SPATA13: variants seen among roughly 807,000 people sequenced by gnomAD.
SPATA13 encodes the protein spermatogenesis-associated protein 13.
SPATA13 carries 50 observed loss-of-function variants against 104.0 expected under a neutral mutation model. That is an observed-to-expected ratio of 0.48 (90% CI 0.38 to 0.61). The LOEUF (loss-of-function observed/expected upper bound fraction) is 0.61, where lower values mean the gene tolerates loss of function less well. SPATA13 is among the 20% of genes least tolerant of loss of function. SPATA13 has a pLI of 0.00. For synonymous variants in SPATA13, 606 were observed against 667.5 expected, an observed-to-expected ratio of 0.91 and a Z score of 1.42; for missense variants, 1,524 against 1,690.6, an observed-to-expected ratio of 0.90 and a Z score of 1.73.
intron 4 of SPATA13, among the ~76,000 whole-genome samples, chr13:24,266,430 A>G (rs771885457): frequency 6.6e-6 from 1 of 152,056 alleles, no homozygotes; most frequent in Non-Finnish European, 1.5e-5. Flanking sequence ...GACTCAAGGC[A>G]TGTGTCACCA....
intron 3 of SPATA13, among the ~76,000 whole-genome samples, chr13:24,027,088 A>G (rs936465618): frequency 1.5e-4 from 23 of 148,418 alleles, no homozygotes; most frequent in African/African-American, 5.7e-4. Context: ...TCTCTCTTAT[A>G]TCCCTGTCAT....
chr13:24,153,064 T>C (rs1168439307), intron 3 of SPATA13, among the ~76,000 whole-genome samples: 1 of 152,254 alleles, frequency 6.6e-6, no homozygotes, highest in East Asian at 1.9e-4. Flanking sequence ...TCTGTGCTCA[T>C]GTCTACTTAG....
At chr13:24,294,990 A>T in intron 10 of SPATA13, 122 bp downstream of exon 10, 20 of 928,916 alleles carry the variant, frequency 2.2e-5, no homozygotes, top group Non-Finnish European at 2.9e-5. Flanking sequence ...AATGGTACAT[A>T]TACCATTAAT....
chr13:24,013,336 C>T (rs1253282973), intron 2 of SPATA13, among the ~76,000 whole-genome samples: 4 of 152,228 alleles, frequency 2.6e-5, no homozygotes, highest in Non-Finnish European at 5.9e-5. Flanking sequence ...TTCCTCCCCT[C>T]CCTCACCCAC....
intron 2 of SPATA13, among the ~76,000 whole-genome samples, chr13:24,016,004 C>T (rs111765395): frequency 3.9e-5 from 6 of 152,230 alleles, no homozygotes; most frequent in African/African-American, 1.2e-4. Flanking sequence ...TTGGAGGGTA[C>T]GCGGTGTGTA....
At chr13:23,998,078 A>G (rs1038029635) in intron 2 of SPATA13, among the ~76,000 whole-genome samples, 11 of 152,266 alleles carry the variant, frequency 7.2e-5, no homozygotes, top group African/African-American at 2.4e-4. Flanking sequence ...CTTCCAGGGT[A>G]GTATCTAGGT....
At chr13:24,057,031 CTT>C (rs1275604864) in intron 3 of SPATA13, among the ~76,000 whole-genome samples, 52 of 120,838 alleles carry the variant, frequency 4.3e-4, no homozygotes, top group African/African-American at 1.5e-3. Context: ...CTCTCTCTCT[CTT>C]TCTTTCATAG....
At chr13:24,099,524 G>A (rs1880189032) in intron 3 of SPATA13, among the ~76,000 whole-genome samples, 1 of 152,238 alleles carries the variant, frequency 6.6e-6, no homozygotes, top group South Asian at 2.1e-4. Flanking sequence ...GGAAAGTTCT[G>A]TCAGAGGGTG....
rs139444355 is a variant in SPATA13 at position 24,139,387 on chromosome 13, C to A, written c.-111-83432C>A. 2.9e-3 allele frequency among the ~76,000 whole-genome samples: 441 copies of A among 152,254 alleles called. 1 individual carries two copies. Among genetic ancestry groups the A allele is most frequent in the Non-Finnish European group, 5.0e-3 (343 of 68,034 alleles). ...AGTGGGGGCACTGTTCAGCCCACAA[C>A]AACACTTAAAAAGAAAATACAAACA... On this transcript the variant is annotated intron_variant, in intron 3 of 14. Transcript: ENST00000424834.
chr13:24,086,255 A>G (rs1205228677), intron 3 of SPATA13, among the ~76,000 whole-genome samples: 2 of 152,212 alleles, frequency 1.3e-5, no homozygotes, highest in Admixed American at 6.5e-5. Context: ...TGTATCATTC[A>G]TATTGCATGG....
chr13:24,292,474 A>C (rs556979094), intron 9 of SPATA13, among the ~76,000 whole-genome samples: 1 of 152,346 alleles, frequency 6.6e-6, no homozygotes, highest in East Asian at 1.9e-4. Flanking sequence ...AACAGGGTCC[A>C]TGCCCCTGAC....
In SPATA13 at chr13:24,232,653, T is replaced by C. The variant is rs150780064; in HGVS notation, c.1653+8071T>C. 5.3e-4 allele frequency among the ~76,000 whole-genome samples: 81 copies of C among 152,302 alleles called. 1 individual carries two copies. Among genetic ancestry groups the C allele is most frequent in the African/African-American group, 1.8e-3 (74 of 41,556 alleles). The stretch of plus-strand genomic sequence containing the variant: ...ACCTCCCAAGGTCAAGCAATCCTCC[T>C]GCCTCAGCACCACCCCCACCCAGTA... On this transcript the variant is annotated intron_variant, in intron 2 of 12. Coordinates refer to ENST00000382108, the MANE Select transcript of SPATA13 (RefSeq NM_001166271.3).
At chr13:24,032,643 T>TA (rs1877525046) in intron 3 of SPATA13, among the ~76,000 whole-genome samples, 3 of 152,172 alleles carry the variant, frequency 2.0e-5, no homozygotes. Flanking sequence ...AATAAGGCAT[T>TA]AGAGTTTCAG....
chr13:24,122,598 G>T, intron 3 of SPATA13: 1 of 1,501,958 alleles, frequency 6.7e-7, no homozygotes, highest in East Asian at 2.3e-5. Context: ...ATGACACTCT[G>T]CATCTTCTCC....
chr13:24,141,751 C>T (rs186156951), intron 3 of SPATA13, among the ~76,000 whole-genome samples: 1 of 152,324 alleles, frequency 6.6e-6, no homozygotes, highest in African/African-American at 2.4e-5. Flanking sequence ...GCTAGGGAGC[C>T]TCCCGTGGCT....
At chr13:24,245,421 T>C (rs1367500643) in intron 2 of SPATA13, among the ~76,000 whole-genome samples, 1 of 152,228 alleles carries the variant, frequency 6.6e-6, no homozygotes, top group African/African-American at 2.4e-5. Flanking sequence ...TCCTTCTCTT[T>C]GTACTTTTGC....
At chr13:24,087,025 A>T (rs1036595657) in intron 3 of SPATA13, among the ~76,000 whole-genome samples, 1 of 152,206 alleles carries the variant, frequency 6.6e-6, no homozygotes, top group African/African-American at 2.4e-5. Flanking sequence ...AATAAAGCAG[A>T]ACAGCAATTG....
intron 3 of SPATA13, among the ~76,000 whole-genome samples, chr13:24,131,741 C>A (rs539605391): frequency 1.6e-4 from 24 of 152,280 alleles, no homozygotes; most frequent in African/African-American, 5.1e-4. Flanking sequence ...TAGGGACAAC[C>A]AATGTGGACC....
At chr13:24,002,342 C>T (rs1016463838) in intron 2 of SPATA13, among the ~76,000 whole-genome samples, 3 of 152,144 alleles carry the variant, frequency 2.0e-5, no homozygotes, top group Non-Finnish European at 2.9e-5. Flanking sequence ...TAGATGAAAA[C>T]GTTCTGTCGT....
Sources: allele counts gnomAD v4.1 joint callset (sites outside exome capture counted in the v4.1 genomes callset), GRCh38; gene constraint gnomAD v4.1.1; transcripts MANE v1.5; gene names NCBI Gene and HGNC (gene_info 2026-07-23, HGNC 2026-07-21).